The following SCARB1 variants were observed in gnomAD, a reference collection of about 807,000 sequenced individuals.
The protein encoded by SCARB1 is CD36 and LIMPII analogous 1.
In SCARB1, 30 loss-of-function variants were observed where a neutral mutation model predicts 57.2. That is an observed-to-expected ratio of 0.52 (90% CI 0.39 to 0.71). The LOEUF (loss-of-function observed/expected upper bound fraction) is 0.71, where lower values mean the gene tolerates loss of function less well. SCARB1 is among the 30% of genes least tolerant of loss of function. SCARB1 has a pLI of 0.00. For synonymous variants in SCARB1, 249 were observed against 268.3 expected, an observed-to-expected ratio of 0.93 and a Z score of 0.70; for missense variants, 543 against 671.2, an observed-to-expected ratio of 0.81 and a Z score of 2.11.
intron 7 of SCARB1, among the ~76,000 whole-genome samples, chr12:124,801,956 G>A (rs1204340046): frequency 6.6e-6 from 1 of 152,036 alleles, no homozygotes; most frequent in East Asian, 1.9e-4. Context: ...TTCACGACCA[G>A]CCTGACCGAT....
At chr12:124,821,505 A>G (rs1950957058) in intron 1 of SCARB1, 1 of 985,166 alleles carries the variant, frequency 1.0e-6, no homozygotes, top group Non-Finnish European at 1.2e-6. Flanking sequence ...CTCTCCCCAA[A>G]GAAGAGGCTT....
rs78013714 is a variant in SCARB1, at chr12:124,805,812, C to T, written c.1009+1949G>A. On this transcript the variant is annotated intron_variant, in intron 7 of 12. Coordinates refer to ENST00000261693, the MANE Select transcript of SCARB1 (RefSeq NM_005505.5). The stretch of plus-strand genomic sequence containing the variant: ...CTCGAACTCTTGGCCTGAAGTGATC[C>T]TCCCACCTCGGCCTCCTACAGGGTT... 3.8e-3 allele frequency among the ~76,000 whole-genome samples: 565 copies of T among 147,456 alleles called. 1 individual carries two copies. Among genetic ancestry groups the T allele is most frequent in the Non-Finnish European group, 5.9e-3 (395 of 67,464 alleles).
At chr12:124,806,202 C>T (rs957010538) in intron 7 of SCARB1, among the ~76,000 whole-genome samples, 4 of 151,842 alleles carry the variant, frequency 2.6e-5, no homozygotes, top group Admixed American at 6.6e-5. Flanking sequence ...GACAATGAGG[C>T]GGGGGTTGGG....
chr12:124,807,930 G>T lies in SCARB1; in HGVS notation c.843-3C>A, dbSNP rs774153403. The T allele has an allele frequency of 1.9e-6, 3 of 1,613,982 alleles. No homozygotes were observed. The Admixed American group carries it at 5.0e-5, about 27-fold the overall frequency. On this transcript the variant is annotated splice_polypyrimidine_tract_variant and splice_region_variant and intron_variant, in intron 6 of 12. Transcript: ENST00000261693. The surrounding 1 kb of genome is among the most constrained non-coding windows in gnomAD (Gnocchi z 5.3). Reference sequence around the variant, plus strand: ...CCTTGTACATTAGCTTCATGGATCTGCAGGGGACAGACAGGATGAGAGGGG... The same window carrying T: ...CCTTGTACATTAGCTTCATGGATCTTCAGGGGACAGACAGGATGAGAGGGG...
At position 124,843,291 on chromosome 12, in the gene SCARB1, G is replaced by GA. The variant is rs375062892; in HGVS notation, c.126+20303_126+20304insT. Among the ~76,000 whole-genome samples, 25 of 19,044 alleles carry GA rather than the reference G, an allele frequency of 1.3e-3. No homozygotes were observed. In the East Asian group the frequency reaches 0.034, roughly 26 times the overall value. The allele number at this position is 19,044 out of a possible 152,430, so 12.5% of individuals were successfully genotyped here. Reference sequence around the variant, plus strand: ...TTTGTTTCTTACTTTCTGTGGAGATGGGGGGGGGGGTCTTACTATGTTACC... The same window carrying GA: ...TTTGTTTCTTACTTTCTGTGGAGATGAGGGGGGGGGGTCTTACTATGTTACC... On this transcript the variant is annotated intron_variant, in intron 1 of 12. Coordinates refer to ENST00000261693, the MANE Select transcript of SCARB1 (RefSeq NM_005505.5).
intron 12 of SCARB1, among the ~76,000 whole-genome samples, chr12:124,779,001 A>G (rs1164712870): frequency 6.6e-6 from 1 of 152,104 alleles, no homozygotes; most frequent in Non-Finnish European, 1.5e-5. Context: ...CCCAGGCTGG[A>G]GTACGGTGGT....
At chr12:124,821,456 C>A in intron 1 of SCARB1, 1 of 984,846 alleles carries the variant, frequency 1.0e-6, no homozygotes, top group South Asian at 4.7e-5. Flanking sequence ...TCATGGGATC[C>A]GGCCGCGTGT....
Position 124,787,434 on chromosome 12 carries a change from AC to A in SCARB1, c.1225del (p.Val409TrpfsTer28). 6.2e-7 allele frequency: 1 copy of A among 1,613,804 alleles called. No homozygotes were observed. The highest frequency in any genetic ancestry group is 8.5e-7 in the Non-Finnish European group (1 of 1,179,916). ...TGCAAACCAGAGCAGCGGCAGGACCACAGGCTCAATCTTCCCAGTTTGTCTG... is the reference window on the plus strand; with the variant it reads ...TGCAAACCAGAGCAGCGGCAGGACCAAGGCTCAATCTTCCCAGTTTGTCTG... ...GIGQTGKIEP[V>X]VLPLLWFAES... On this transcript the variant is annotated frameshift_variant, in exon 10 of 13. Coordinates refer to ENST00000261693, the MANE Select transcript of SCARB1 (RefSeq NM_005505.5). LOFTEE classifies it high-confidence loss of function.
rs931723546 is a variant in SCARB1, at chr12:124,862,758, T to C, written c.126+837A>G. 3.3e-5 allele frequency among the ~76,000 whole-genome samples: 5 copies of C among 152,068 alleles called. No homozygotes were observed. In the East Asian group the frequency reaches 5.8e-4, roughly 18 times the overall value. On this transcript the variant is annotated intron_variant, in intron 1 of 12. Transcript: ENST00000261693. ...TGATACTCTGCAATCTCCCAGCCCTTCCCTAACTCCAGGCTCATTCAAACA... is the reference window on the plus strand; with the variant it reads ...TGATACTCTGCAATCTCCCAGCCCTCCCCTAACTCCAGGCTCATTCAAACA...
chr12:124,791,849 G>A (rs1329950434), intron 9 of SCARB1, among the ~76,000 whole-genome samples: 9 of 152,042 alleles, frequency 5.9e-5, no homozygotes, highest in South Asian at 2.1e-4. Flanking sequence ...CCAGCTACGC[G>A]GGAGGCTGAG....
At chr12:124,818,727 C>T (rs1275615906) in intron 1 of SCARB1, among the ~76,000 whole-genome samples, 3 of 72,886 alleles carry the variant, frequency 4.1e-5, no homozygotes, top group Non-Finnish European at 1.6e-4. Flanking sequence ...CTCACCGAAA[C>T]CTCCATATTC....
At chr12:124,821,994 G>A (rs1026783211) in intron 1 of SCARB1, among the ~76,000 whole-genome samples, 1 of 152,164 alleles carries the variant, frequency 6.6e-6, no homozygotes, top group East Asian at 1.9e-4. Context: ...ACACAGAGTT[G>A]GGATAGAATG....
At position 124,791,273 on chromosome 12, in the gene SCARB1, C is replaced by T. The variant is rs118158521; in HGVS notation, c.1203-3816G>A. Reference sequence around the variant, plus strand: ...CTTTTACCGTAATAAATCATAGCCACGTGTACAACCATATGCTTCGTCCTG... The same window carrying T: ...CTTTTACCGTAATAAATCATAGCCATGTGTACAACCATATGCTTCGTCCTG... On this transcript the variant is annotated intron_variant, in intron 9 of 12. Coordinates refer to ENST00000261693, the MANE Select transcript of SCARB1 (RefSeq NM_005505.5). 8.8e-3 allele frequency among the ~76,000 whole-genome samples: 1,335 copies of T among 152,296 alleles called. 11 individuals carry two copies. The highest frequency in any genetic ancestry group is 0.044 in the Middle Eastern group (13 of 294).
At chr12:124,811,801 C>G (rs1022003362) in intron 5 of SCARB1, 69 bp downstream of exon 5, 6 of 1,074,350 alleles carry the variant, frequency 5.6e-6, no homozygotes, top group South Asian at 1.3e-5. Context: ...CTGCCACTCC[C>G]GAGCAGCCAT....
chr12:124,855,990 G>A (rs184809071), intron 1 of SCARB1, among the ~76,000 whole-genome samples: 32 of 152,350 alleles, frequency 2.1e-4, no homozygotes, highest in Admixed American at 2.0e-3. Context: ...CAAAGGCCAG[G>A]GTAAGGCGAT....
In SCARB1 at chr12:124,810,607, C is replaced by T. The variant is rs147133193; in HGVS notation, c.727-318G>A. Among the ~76,000 whole-genome samples the T allele has an allele frequency of 1.4e-3, 218 of 152,358 alleles. 3 individuals are homozygous for T. In the East Asian group the frequency reaches 0.02, roughly 14 times the overall value. On this transcript the variant is annotated intron_variant, in intron 5 of 12. Coordinates refer to ENST00000261693, the MANE Select transcript of SCARB1 (RefSeq NM_005505.5). This position sits in a 1 kb window ranked among gnomAD's most constrained non-coding sequence, Gnocchi z 4.0. ...AGGTGAGGTGAGAGGTGGGGCGCGGCTGTGCTCAGCCCTCAGAGCGGAAGT... is the reference window on the plus strand; with the variant it reads ...AGGTGAGGTGAGAGGTGGGGCGCGGTTGTGCTCAGCCCTCAGAGCGGAAGT...
intron 1 of SCARB1, chr12:124,821,527 G>A (rs1950957786): frequency 1.0e-6 from 1 of 985,166 alleles, no homozygotes; most frequent in South Asian, 4.7e-5. Context: ...CAGGCCCTGG[G>A]TTTCAGCCCA....
At chr12:124,821,258 A>ACG (rs1491240945) in intron 1 of SCARB1, 2 of 338,760 alleles carry the variant, frequency 5.9e-6, no homozygotes, top group Admixed American at 6.6e-5. Flanking sequence ...ACACACACAC[A>ACG]CGCACACACA....
intron 1 of SCARB1, among the ~76,000 whole-genome samples, chr12:124,819,037 G>C (rs1950846004): frequency 6.6e-6 from 1 of 151,906 alleles, no homozygotes; most frequent in African/African-American, 2.4e-5. Context: ...TGAGATGGGA[G>C]GGTCACTTGA....
Sources: gnomAD v4.1 joint callset for allele counts (sites outside exome capture counted in the v4.1 genomes callset) on GRCh38, gnomAD v4.1.1 for gene constraint, Gnocchi (gnomAD v3.1) non-coding constraint, MANE v1.5 for transcripts, NCBI Gene and HGNC (gene_info 2026-07-23, HGNC 2026-07-21) for gene names.